The following C1QTNF3 variants were observed in gnomAD, a reference collection of about 807,000 sequenced individuals.
C1QTNF3 encodes complement C1q tumor necrosis factor-related protein 3.
Under a neutral mutation model 32.6 loss-of-function variants are expected in C1QTNF3, and 26 were observed. The observed-to-expected ratio is 0.80, with a 90% confidence interval of 0.58 to 1.11. The LOEUF is 1.11. C1QTNF3 is among the 50% of genes least tolerant of loss of function. C1QTNF3 has a pLI of 0.00. For synonymous variants in C1QTNF3, 155 were observed against 146.0 expected, an observed-to-expected ratio of 1.06 and a Z score of -0.44; for missense variants, 362 against 398.2, an observed-to-expected ratio of 0.91 and a Z score of 0.77.
chr5:34,070,470 A>C, the C1QTNF3 span, among the ~76,000 whole-genome samples: 1 of 152,216 alleles, frequency 6.6e-6, no homozygotes, highest in African/African-American at 2.4e-5. Flanking sequence ...TCAACATACT[A>C]TGCAGTTTTT....
the C1QTNF3 span, among the ~76,000 whole-genome samples, chr5:34,213,729 C>T: frequency 6.9e-5 from 4 of 58,320 alleles, no homozygotes; most frequent in African/African-American, 1.1e-4. Context: ...TATATATATA[C>T]ACGTATATAT....
the C1QTNF3 span, among the ~76,000 whole-genome samples, chr5:34,066,128 G>A: frequency 6.6e-6 from 1 of 152,304 alleles, no homozygotes; most frequent in South Asian, 2.1e-4. Flanking sequence ...TAACATGCAT[G>A]CTTGAGCACA....
chr5:34,166,841 A>G, the C1QTNF3 span: 2 of 151,888 alleles, frequency 1.3e-5, no homozygotes, highest in African/African-American at 4.8e-5. Context: ...GGTTGTAAGG[A>G]TTGAAAACAT....
At chr5:34,024,169 T>C (rs1432107500) in intron 4 of C1QTNF3, 161 bp from the exon 5 acceptor site, 7 of 603,054 alleles carry the variant, frequency 1.2e-5, no homozygotes, top group Admixed American at 2.6e-5. Flanking sequence ...TGTCCCTATA[T>C]CTACTCCCCT....
chr5:34,135,183 T>A, the C1QTNF3 span, among the ~76,000 whole-genome samples: 1 of 152,210 alleles, frequency 6.6e-6, no homozygotes, highest in Non-Finnish European at 1.5e-5. Context: ...TAATCGTGGT[T>A]TTTGTCATTG....
the C1QTNF3 span, among the ~76,000 whole-genome samples, chr5:34,222,625 C>A: frequency 1.3e-5 from 2 of 152,012 alleles, no homozygotes; most frequent in East Asian, 3.9e-4. Flanking sequence ...TTAGTAATTA[C>A]TTTACCCCTT....
chr5:34,231,148 A>G, the C1QTNF3 span, among the ~76,000 whole-genome samples: 2 of 152,160 alleles, frequency 1.3e-5, no homozygotes, highest in Non-Finnish European at 1.5e-5. Flanking sequence ...ACAGGGTTTC[A>G]ATAAACTTAG....
chr5:34,225,626 T>C, the C1QTNF3 span, among the ~76,000 whole-genome samples: 2 of 151,956 alleles, frequency 1.3e-5, no homozygotes, highest in African/African-American at 4.8e-5. Context: ...TTGATCCATT[T>C]CACCTTGCTG....
At chr5:34,056,452 G>GTGTGTGTA in the C1QTNF3 span, among the ~76,000 whole-genome samples, 1 of 53,488 alleles carries the variant, frequency 1.9e-5, no homozygotes, top group Non-Finnish European at 3.5e-5. Flanking sequence ...GTGTGTGTGT[G>GTGTGTGTA]TGTATATATA....
the C1QTNF3 span, among the ~76,000 whole-genome samples, chr5:34,164,310 C>T: frequency 1.3e-5 from 2 of 152,062 alleles, no homozygotes; most frequent in Non-Finnish European, 2.9e-5. Context: ...ATTTTGCACT[C>T]GAATTAGACA....
chr5:34,132,747 C>CA, the C1QTNF3 span, among the ~76,000 whole-genome samples: 1 of 152,012 alleles, frequency 6.6e-6, no homozygotes, highest in Non-Finnish European at 1.5e-5. Flanking sequence ...TTTGAAGAAG[C>CA]AAAATTAGAG....
At chr5:34,023,458 C>A (rs1331650736) in intron 5 of C1QTNF3, among the ~76,000 whole-genome samples, 1 of 152,118 alleles carries the variant, frequency 6.6e-6, no homozygotes, top group South Asian at 2.1e-4. Context: ...CACACATCAT[C>A]AAAAATAACA....
the C1QTNF3 span, among the ~76,000 whole-genome samples, chr5:34,133,869 C>G: frequency 1.3e-5 from 2 of 152,156 alleles, no homozygotes; most frequent in Non-Finnish European, 2.9e-5. Flanking sequence ...ATTGGCTGTT[C>G]GTTTCACGAA....
chr5:34,025,609 CA>C, intron 4 of C1QTNF3, among the ~76,000 whole-genome samples: 1 of 152,238 alleles, frequency 6.6e-6, no homozygotes, highest in Non-Finnish European at 1.5e-5. Context: ...TTGAAAAGGA[CA>C]AAATGGTCTT....
At chr5:34,042,588 G>A (rs1754895342) in intron 1 of C1QTNF3, among the ~76,000 whole-genome samples, 1 of 152,148 alleles carries the variant, frequency 6.6e-6, no homozygotes, top group Non-Finnish European at 1.5e-5. Context: ...ATGGGGTGAT[G>A]CTACGGCCAC....
chr5:34,096,205 T>G, the C1QTNF3 span, among the ~76,000 whole-genome samples: 2 of 151,664 alleles, frequency 1.3e-5, no homozygotes, highest in Non-Finnish European at 2.9e-5. Flanking sequence ...GCAAGAAATT[T>G]CCAAATGCTA....
chr5:34,113,026 C>G, the C1QTNF3 span, among the ~76,000 whole-genome samples: 2 of 150,800 alleles, frequency 1.3e-5, no homozygotes, highest in Non-Finnish European at 3.0e-5. Context: ...TGGAGACCCT[C>G]CCTCAGTTTC....
At chr5:34,154,750 C>T in the C1QTNF3 span, among the ~76,000 whole-genome samples, 3 of 152,094 alleles carry the variant, frequency 2.0e-5, no homozygotes, top group South Asian at 2.1e-4. Context: ...AGAGAGAGAG[C>T]TAGAGATACA....
chr5:34,081,830 T>A, the C1QTNF3 span, among the ~76,000 whole-genome samples: 1 of 151,726 alleles, frequency 6.6e-6, no homozygotes, highest in Non-Finnish European at 1.5e-5. Context: ...TTTCCAAAAT[T>A]ATTCAGGAAG....
Sources: gnomAD v4.1 joint callset for allele counts (sites outside exome capture counted in the v4.1 genomes callset) on GRCh38, gnomAD v4.1.1 for gene constraint, MANE v1.5 for transcripts, NCBI Gene and HGNC (gene_info 2026-07-23, HGNC 2026-07-21) for gene names.